TBC1D21: variants seen among roughly 807,000 people sequenced by gnomAD.
TBC1D21 encodes the protein TBC1 domain family member 21.
In TBC1D21, 38 loss-of-function variants were observed where a neutral mutation model predicts 46.0. The ratio of observed to expected loss-of-function variants is 0.83; its 90% CI spans 0.64 to 1.08. The LOEUF (loss-of-function observed/expected upper bound fraction) is 1.08, where lower values mean the gene tolerates loss of function less well. TBC1D21 is among the 50% of genes least tolerant of loss of function. The pLI is 0.00. For missense variants in TBC1D21, 415 were observed against 417.9 expected (o/e 0.99, Z 0.06); for synonymous variants, 151 against 157.2 (o/e 0.96, Z 0.29).
the TBC1D21 span, among the ~76,000 whole-genome samples, chr15:73,895,349 C>T: frequency 2.0e-4 from 30 of 152,268 alleles, no homozygotes; most frequent in African/African-American, 6.5e-4. Context: ...AGCTTGTCTC[C>T]GCAGTCGATC....
At chr15:73,902,641 C>A in the TBC1D21 span, among the ~76,000 whole-genome samples, 286 of 152,308 alleles carry the variant, frequency 1.9e-3, 1 homozygote, top group African/African-American at 6.8e-3. Flanking sequence ...TGCATGCCTG[C>A]CTCTCCCCTC....
At chr15:73,878,838 C>T (rs964637443) in intron 1 of TBC1D21, among the ~76,000 whole-genome samples, 2 of 152,152 alleles carry the variant, frequency 1.3e-5, no homozygotes, top group Non-Finnish European at 2.9e-5. Context: ...GGACACAGCC[C>T]AGCTTTGCCT....
chr15:73,908,553 GA>G, the TBC1D21 span: 1 of 153,370 alleles, frequency 6.5e-6, no homozygotes, highest in Non-Finnish European at 1.5e-5. Flanking sequence ...AGGCGTCTAG[GA>G]AGGGGGAAAA....
chr15:73,886,445 A>C, intron 7 of TBC1D21, 67 bp from the exon 8 acceptor site: 1 of 1,445,496 alleles, frequency 6.9e-7, no homozygotes, highest in Non-Finnish European at 9.7e-7. Flanking sequence ...GTTTGGCCTC[A>C]TCTGCATGTG....
the TBC1D21 span, among the ~76,000 whole-genome samples, chr15:73,904,981 T>C: frequency 6.6e-6 from 1 of 152,000 alleles, no homozygotes; most frequent in East Asian, 1.9e-4. Context: ...AGGGCAAAAA[T>C]AGAAGAATTT....
At chr15:73,904,259 C>T in the TBC1D21 span, among the ~76,000 whole-genome samples, 4 of 152,162 alleles carry the variant, frequency 2.6e-5, no homozygotes, top group African/African-American at 9.7e-5. Context: ...CAAAGTCGAG[C>T]TCTATAAGGC....
chr15:73,894,411 C>T, the TBC1D21 span, among the ~76,000 whole-genome samples: 1 of 152,244 alleles, frequency 6.6e-6, no homozygotes, highest in Non-Finnish European at 1.5e-5. Context: ...TTCCCTCGTC[C>T]CTCTCTATGC....
intron 3 of TBC1D21, among the ~76,000 whole-genome samples, chr15:73,883,099 A>G (rs1341540832): frequency 6.6e-6 from 1 of 152,170 alleles, no homozygotes; most frequent in Non-Finnish European, 1.5e-5. Context: ...CTGCATGACT[A>G]TGTAGCCTGG....
the TBC1D21 span, among the ~76,000 whole-genome samples, chr15:73,896,987 C>A: frequency 6.6e-6 from 1 of 152,186 alleles, no homozygotes; most frequent in African/African-American, 2.4e-5. Flanking sequence ...GATAACTGGG[C>A]TGGGGAGATA....
intron 8 of TBC1D21, 45 bp from the exon 9 acceptor site, chr15:73,887,575 C>CTG (rs756292831): frequency 1.2e-5 from 18 of 1,551,056 alleles, no homozygotes; most frequent in Non-Finnish European, 1.6e-5. Flanking sequence ...AGGGCATCTG[C>CTG]AGTCTCAGAC....
At chr15:73,889,219 T>C, downstream of TBC1D21, 1 of 1,221,168 alleles carries the variant, frequency 8.2e-7, no homozygotes, top group South Asian at 1.3e-5. Flanking sequence ...GAATAATGGT[T>C]TGTGGTGGAT....
In TBC1D21 at chr15:73,881,492, A is replaced by C; in HGVS notation, c.154A>C (p.Asn52His). 2 of 1,614,176 alleles carry C rather than the reference A, an allele frequency of 1.2e-6. No individual in the cohort carries two copies. Residue 52 changes from asparagine to histidine, a missense_variant, in exon 2 of 11, where the codon AAC (asparagine) becomes CAC (histidine). By Grantham distance (68) the Asn-to-His change is moderately conservative. Transcript: ENST00000300504. ...CAAATCACGGGACTTCATTTGTGTT[A>C]ACATCCTGGAAAGGGTGGGTCCCCA... is the stretch of plus-strand genomic sequence containing the variant. ...LAKSRDFICV[N>H]ILERGLHPFV... is the part of the protein sequence containing the mutation.
At chr15:73,895,517 C>T in the TBC1D21 span, among the ~76,000 whole-genome samples, 2 of 152,306 alleles carry the variant, frequency 1.3e-5, no homozygotes, top group African/African-American at 4.8e-5. Context: ...AAAAGAATTT[C>T]TTTAGGGAGT....
At chr15:73,903,314 T>C in the TBC1D21 span, among the ~76,000 whole-genome samples, 1 of 152,256 alleles carries the variant, frequency 6.6e-6, no homozygotes, top group East Asian at 1.9e-4. Context: ...CCACATGGAA[T>C]ATCAGGGGGA....
chr15:73,888,442 C>A lies in TBC1D21; in HGVS notation c.907C>A (p.Leu303Ile). 1 of 1,613,808 alleles carries A rather than the reference C, an allele frequency of 6.2e-7. No homozygotes were observed. Residue 303 changes from leucine (L) to isoleucine (I), a missense_variant, in exon 10 of 11, where the codon CTC becomes ATC. Leu to Ile is a conservative substitution (Grantham distance 5). Transcript: ENST00000300504. ...CACTCCCATGCAGGCCTGCAACAAC[C>A]TCATCGACCTTGATGCTGATGAGCT... Reference protein sequence around the residue: ...GDDILLACNNLIDLDADELIS... With the variant: ...GDDILLACNNIIDLDADELIS...
At chr15:73,899,599 C>T in the TBC1D21 span, among the ~76,000 whole-genome samples, 1 of 152,046 alleles carries the variant, frequency 6.6e-6, no homozygotes, top group East Asian at 1.9e-4. Context: ...TGGGAGGTGG[C>T]GGGACAGGAG....
At chr15:73,886,229 G>A (rs2068243934) in intron 7 of TBC1D21, 55 bp downstream of exon 7, 1 of 1,497,120 alleles carries the variant, frequency 6.7e-7, no homozygotes, top group Non-Finnish European at 9.3e-7. Flanking sequence ...TGGGAAGGGG[G>A]CTGGGACCCA....
chr15:73,887,474 G>A, intron 8 of TBC1D21, 146 bp from the exon 9 acceptor site: 1 of 680,676 alleles, frequency 1.5e-6, no homozygotes, highest in African/African-American at 1.8e-5. Flanking sequence ...GTGAGTGAGT[G>A]AATGAAGGAA....
Position 73,887,680 on chromosome 15 carries a change from C to A in TBC1D21, c.838C>A (p.Gln280Lys). Residue 280 changes from glutamine (Q) to lysine (K), a missense_variant, in exon 9 of 11, where the codon CAG (glutamine) becomes AAG (lysine). Transcript: ENST00000300504. ...GGTGCTGGTGGCCTACAGCATGCTG[C>A]AGATGGTGCGGGAGCAGGTGCTGCA... ...FQVLVAYSML[Q>K]MVREQVLQES... 1 of 1,614,074 alleles carries A rather than the reference C, an allele frequency of 6.2e-7. No homozygotes were observed. Among genetic ancestry groups the A allele is most frequent in the East Asian group, 2.2e-5 (1 of 44,882 alleles).
Sources: gnomAD v4.1 joint callset for allele counts (sites outside exome capture counted in the v4.1 genomes callset) on GRCh38, gnomAD v4.1.1 for gene constraint, MANE v1.5 for transcripts, NCBI Gene and HGNC (gene_info 2026-07-23, HGNC 2026-07-21) for gene names.